The following FREM1 variants were observed in gnomAD, a reference collection of about 807,000 sequenced individuals.
FREM1 encodes FRAS1 related extracellular matrix 1.
FREM1 carries 220 observed loss-of-function variants against 210.1 expected under a neutral mutation model. The observed-to-expected ratio is 1.05, with a 90% CI of 0.94 to 1.17. The LOEUF is 1.17. FREM1 is among the 50% of genes most tolerant of loss of function. The pLI is 0.00. For missense variants in FREM1, 3,454 were observed against 2,675.5 expected (o/e 1.29, Z -6.42); for synonymous variants, 1,189 against 980.2 (o/e 1.21, Z -3.98).
intron 24 of FREM1, chr9:14,779,589 T>G: frequency 2.0e-5 from 11 of 562,110 alleles, no homozygotes; most frequent in Non-Finnish European, 2.5e-5. Context: ...CGGCCACATC[T>G]ACTCGATGCG....
chr9:14,778,959 C>A (rs1422978924), intron 24 of FREM1, among the ~76,000 whole-genome samples: 1 of 152,062 alleles, frequency 6.6e-6, no homozygotes, highest in Non-Finnish European at 1.5e-5. Flanking sequence ...ACTTAGTCAC[C>A]TTCACAGTTT....
chr9:14,876,087 T>TG (rs936126495), intron 1 of FREM1, among the ~76,000 whole-genome samples: 1 of 151,938 alleles, frequency 6.6e-6, no homozygotes, highest in African/African-American at 2.4e-5. Context: ...CTGCCCCTAC[T>TG]GGGGGGTGCC....
intron 1 of FREM1, among the ~76,000 whole-genome samples, chr9:14,877,589 T>C (rs149955170): frequency 3.2e-4 from 49 of 152,094 alleles, no homozygotes; most frequent in African/African-American, 9.6e-5. Flanking sequence ...ACTCCTATGA[T>C]TACATTTTGT....
intron 1 of FREM1, among the ~76,000 whole-genome samples, chr9:14,885,521 G>A (rs1449230947): frequency 1.3e-5 from 2 of 152,168 alleles, no homozygotes; most frequent in Admixed American, 1.3e-4. Context: ...CTGGGCTCAA[G>A]CAAGCCTCAG....
At chr9:14,790,359 C>T (rs1851087555) in intron 22 of FREM1, among the ~76,000 whole-genome samples, 1 of 152,098 alleles carries the variant, frequency 6.6e-6, no homozygotes, top group African/African-American at 2.4e-5. Flanking sequence ...TTATGTTCTG[C>T]CCTCACGCTC....
At chr9:14,846,187 T>C (rs757301959) in intron 7 of FREM1, 96 bp from the exon 8 acceptor site, 244 of 1,023,786 alleles carry the variant, frequency 2.4e-4, no homozygotes, top group Non-Finnish European at 3.1e-4. Context: ...CCATAAAAAA[T>C]AATGAGTTCA....
intron 13 of FREM1, among the ~76,000 whole-genome samples, chr9:14,820,723 G>T (rs1207064631): frequency 6.6e-6 from 1 of 152,124 alleles, no homozygotes; most frequent in African/African-American, 2.4e-5. Flanking sequence ...AACTACCAAT[G>T]CAAAAACATA....
intron 13 of FREM1, among the ~76,000 whole-genome samples, chr9:14,820,520 G>C (rs1821098203): frequency 6.6e-6 from 1 of 152,220 alleles, no homozygotes; most frequent in Admixed American, 6.5e-5. Context: ...GAAGAGGAAA[G>C]GGAAGGAAGC....
intron 35 of FREM1, among the ~76,000 whole-genome samples, chr9:14,742,101 C>G (rs1329582657): frequency 6.6e-6 from 1 of 152,034 alleles, no homozygotes; most frequent in Admixed American, 6.6e-5. Flanking sequence ...ATTTTATGCT[C>G]ACATACATAT....
At chr9:14,764,335 C>G (rs755429002) in intron 27 of FREM1, among the ~76,000 whole-genome samples, 6 of 152,112 alleles carry the variant, frequency 3.9e-5, no homozygotes, top group Non-Finnish European at 7.4e-5. Flanking sequence ...CTAATACAAC[C>G]ATCGAAAATA....
chr9:14,792,829 G>A lies in FREM1; in HGVS notation c.3895C>T (p.Leu1299Phe). ...GETRIISSAI[L>F]SAIDEDSPRE... ...GGTGAGTCTTCATCTATGGCTGAAA[G>A]AATAGCACTGGAAATAATACGAGTT... is the stretch of plus-strand genomic sequence containing the variant. Residue 1299 changes from leucine (L) to phenylalanine (F), a missense_variant, in exon 22 of 37, where the codon CTT (leucine) becomes TTT (phenylalanine). Leu to Phe is a conservative substitution (Grantham distance 22, BLOSUM62 0). Transcript: ENST00000380880. 6.2e-7 allele frequency: 1 copy of A among 1,601,360 alleles called. No individual in the cohort carries two copies. Among genetic ancestry groups the A allele is most frequent in the African/African-American group, 1.3e-5 (1 of 74,838 alleles).
At position 14,845,992 on chromosome 9, in the gene FREM1, C is replaced by G; in HGVS notation, c.1361G>C (p.Gly454Ala). The G allele has an allele frequency of 6.2e-7, 1 of 1,613,572 alleles. No homozygotes were observed. The highest frequency in any genetic ancestry group is 8.5e-7 in the Non-Finnish European group (1 of 1,179,718). Residue 454 changes from glycine to alanine, a missense_variant, in exon 8 of 37, where the codon GGT (glycine) becomes GCT (alanine). Gly to Ala is a moderately conservative substitution (Grantham distance 60). Transcript: ENST00000380880. ...DIGAVRLVTV[G>A]GLQHGWLTLR... The stretch of plus-strand genomic sequence containing the variant: ...AGTCAGCCATCCATGCTGCAGGCCA[C>G]CAACGGTGACTAGCCGGACAGCACC...
intron 3 of FREM1, among the ~76,000 whole-genome samples, chr9:14,860,884 C>CATATAT (rs1564103065): frequency 2.6e-4 from 15 of 57,272 alleles, no homozygotes; most frequent in Non-Finnish European, 4.0e-4. Context: ...CGTATATATA[C>CATATAT]ACATATATAC....
Position 14,800,303 on chromosome 9 carries a change from G to T in FREM1, c.3694+1349C>A, listed in dbSNP as rs540044281. On this transcript the variant is annotated intron_variant, in intron 20 of 36. Transcript: ENST00000380880. The stretch of plus-strand genomic sequence containing the variant: ...CAGCCTTGGCTAGCCTGGCAAAGGA[G>T]GGGGAAGGACCTTACAGGCTGGGAA... 3.9e-5 allele frequency among the ~76,000 whole-genome samples: 6 copies of T among 152,296 alleles called. No individual in the cohort carries two copies. In the South Asian group the frequency reaches 1.0e-3, roughly 26 times the overall value.
Position 14,747,036 on chromosome 9 carries a change from A to G in FREM1, c.6025T>C (p.Phe2009Leu), listed in dbSNP as rs1188757437. Residue 2009 changes from phenylalanine to leucine, a missense_variant, in exon 34 of 37, where the codon TTT (phenylalanine) becomes CTT (leucine). Transcript: ENST00000380880. Reference sequence around the variant, plus strand: ...AATTCCAGAGTGCAGTTCTTTGGAAATGAGGGCAACTGGTCCTTTGGGAAG... The same window carrying G: ...AATTCCAGAGTGCAGTTCTTTGGAAGTGAGGGCAACTGGTCCTTTGGGAAG... ...HFPRQDQLPS[F>L]PKNCTLELKG... 1.2e-6 allele frequency: 2 copies of G among 1,613,278 alleles called. No individual in the cohort carries two copies. The highest frequency in any genetic ancestry group is 8.5e-7 in the Non-Finnish European group (1 of 1,179,600).
Position 14,812,291 on chromosome 9 carries a change from T to C in FREM1, c.2893+521A>G, listed in dbSNP as rs192271703. On this transcript the variant is annotated intron_variant, in intron 16 of 36. Coordinates refer to ENST00000380880, the MANE Select transcript of FREM1 (RefSeq NM_001379081.2). ...TAACTGCAGTGCTAATAAATGAACA[T>C]TTTCTGTACATCTAACCTGTGTTCA... is the stretch of plus-strand genomic sequence containing the variant. Among the ~76,000 whole-genome samples the C allele has an allele frequency of 2.0e-5, 3 of 152,336 alleles. No homozygotes were observed. The East Asian group carries it at 5.8e-4, about 29-fold the overall frequency.
At position 14,748,787 on chromosome 9, in the gene FREM1, C is replaced by G. The variant is rs1842878693; in HGVS notation, c.5558-148G>C. The G allele has an allele frequency of 5.0e-6, 3 of 601,988 alleles. No individual in the cohort carries two copies. The East Asian group carries it at 7.9e-5, about 16-fold the overall frequency. 37.3% of individuals were successfully genotyped at this position (601,988 alleles called of 1,614,324 possible). A position where few individuals can be genotyped will look rare whatever the true frequency, so the allele number is the denominator to read the frequency against. The stretch of plus-strand genomic sequence containing the variant: ...TTGCCTTTTTGCCATTTGCCAGAAA[C>G]TCCTTTACTCTTCATCAGTTTACAT... On this transcript the variant is annotated intron_variant, in intron 30 of 36. Coordinates refer to ENST00000380880, the MANE Select transcript of FREM1 (RefSeq NM_001379081.2).
chr9:14,876,630 C>T (rs1457641570), intron 1 of FREM1, among the ~76,000 whole-genome samples: 16 of 152,276 alleles, frequency 1.1e-4, no homozygotes, highest in Non-Finnish European at 2.9e-5. Flanking sequence ...CTTGCGCTTC[C>T]CAAGTGAGGC....
rs114504957 is a variant in FREM1 at position 14,878,033 on chromosome 9, C to G, written c.-267-8789G>C. 5.5e-3 allele frequency among the ~76,000 whole-genome samples: 843 copies of G among 152,290 alleles called. 6 individuals are homozygous for G. The highest frequency in any genetic ancestry group is 0.019 in the African/African-American group (792 of 41,556). On this transcript the variant is annotated intron_variant, in intron 1 of 36. Coordinates refer to ENST00000380880, the MANE Select transcript of FREM1 (RefSeq NM_001379081.2). Reference sequence around the variant, plus strand: ...CTCTGCTGGATGATTGCAATAGCATCCTATTTGATCTCCCTACTTCTACTC... The same window carrying G: ...CTCTGCTGGATGATTGCAATAGCATGCTATTTGATCTCCCTACTTCTACTC...
Sources: gnomAD v4.1 joint callset for allele counts (sites outside exome capture counted in the v4.1 genomes callset) on GRCh38, gnomAD v4.1.1 for gene constraint, MANE v1.5 for transcripts, NCBI Gene and HGNC (gene_info 2026-07-23, HGNC 2026-07-21) for gene names.